Variants in KRABD3 observed in about 807,000 individuals in gnomAD.
KRABD3 encodes the protein KRAB domain containing 3.
chr7:149,734,107 G>A, the KRABD3 span: 1 of 1,528,772 alleles, frequency 6.5e-7, no homozygotes, highest in South Asian at 1.3e-5. Context: ...TGGCGTGGAA[G>A]CCCTGTCACC....
the KRABD3 span, chr7:149,720,809 G>A: frequency 1.3e-6 from 2 of 1,561,708 alleles, no homozygotes; most frequent in African/African-American, 2.7e-5. Context: ...CAGGGGTGCG[G>A]GGGGGTCACT....
the KRABD3 span, chr7:149,728,804 T>C: frequency 2.8e-6 from 3 of 1,056,762 alleles, no homozygotes; most frequent in Admixed American, 2.8e-5. Context: ...GGGCAGAGCC[T>C]TGTTGGAGGC....
the KRABD3 span, chr7:149,730,102 C>T: frequency 1.4e-6 from 2 of 1,450,270 alleles, no homozygotes; most frequent in East Asian, 2.5e-5. Flanking sequence ...AGAGACCTGG[C>T]TCTCTTCAGG....
the KRABD3 span, chr7:149,723,446 GA>G: frequency 4.7e-6 from 2 of 429,272 alleles, no homozygotes; most frequent in Non-Finnish European, 8.4e-6. Context: ...TTCTGTTCAG[GA>G]CCCCAGAGCT....
the KRABD3 span, chr7:149,725,469 C>T: frequency 6.2e-7 from 1 of 1,609,656 alleles, no homozygotes; most frequent in Non-Finnish European, 8.5e-7. Flanking sequence ...AACTGCAACC[C>T]CACAGATCAC....
At chr7:149,720,299 AAGCACTCAGAG>A in the KRABD3 span, among the ~76,000 whole-genome samples, 1 of 152,138 alleles carries the variant, frequency 6.6e-6, no homozygotes, top group Non-Finnish European at 1.5e-5. Context: ...TTATGCAGAG[AAGCACTCAGAG>A]AAAGCCTGGG....
chr7:149,724,004 G>A, the KRABD3 span: 12 of 1,160,106 alleles, frequency 1.0e-5, no homozygotes, highest in South Asian at 1.5e-5. Flanking sequence ...TTGGCCTGTC[G>A]GGAAGAGGAT....
At chr7:149,733,256 G>GA in the KRABD3 span, 1 of 1,612,034 alleles carries the variant, frequency 6.2e-7, no homozygotes, top group Non-Finnish European at 8.5e-7. Flanking sequence ...GCTGCCCAGT[G>GA]AGTCTCCCCC....
At chr7:149,720,693 C>T in the KRABD3 span, 41 of 900,160 alleles carry the variant, frequency 4.6e-5, no homozygotes, top group Non-Finnish European at 6.8e-5. Flanking sequence ...TCCTCTATAT[C>T]TCATGGGACA....
chr7:149,729,746 C>T, the KRABD3 span: 2 of 985,270 alleles, frequency 2.0e-6, no homozygotes, highest in East Asian at 1.1e-4. Context: ...TTTGCTGACC[C>T]TCCCATCAGA....
At chr7:149,721,362 C>T in the KRABD3 span, 11 of 1,568,758 alleles carry the variant, frequency 7.0e-6, no homozygotes, top group African/African-American at 1.5e-4. Flanking sequence ...GTTGTTGATT[C>T]TCCCTCTTTC....
chr7:149,725,933 G>T, the KRABD3 span: 2 of 1,600,310 alleles, frequency 1.2e-6, no homozygotes, highest in Non-Finnish European at 1.7e-6. Context: ...AGAGCTGTGT[G>T]AGAGATGGCC....
At chr7:149,720,670 G>A in the KRABD3 span, among the ~76,000 whole-genome samples, 1 of 152,256 alleles carries the variant, frequency 6.6e-6, no homozygotes, top group African/African-American at 2.4e-5. Flanking sequence ...AGAGCGCCTG[G>A]CCTGAGCCCA....
the KRABD3 span, chr7:149,729,354 G>T: frequency 6.6e-7 from 1 of 1,524,176 alleles, no homozygotes; most frequent in South Asian, 1.3e-5. Context: ...CAGGAGTGTG[G>T]AGGTGGCTCC....
At chr7:149,733,185 C>T in the KRABD3 span, 55 of 1,569,316 alleles carry the variant, frequency 3.5e-5, no homozygotes, top group East Asian at 3.6e-4. Context: ...GAACTCTGAC[C>T]GGTCCTTGCT....
the KRABD3 span, chr7:149,729,616 G>T: frequency 4.5e-4 from 448 of 985,468 alleles, 1 homozygote; most frequent in African/African-American, 6.9e-3. Context: ...TTCTCCAGTG[G>T]AGAAGCTTCT....
chr7:149,722,307 G>A, the KRABD3 span: 11 of 1,464,098 alleles, frequency 7.5e-6, no homozygotes, highest in African/African-American at 1.4e-5. Context: ...AGCCCACCTC[G>A]AACAGGGACT....
chr7:149,725,292 C>T, the KRABD3 span: 3 of 1,550,522 alleles, frequency 1.9e-6, no homozygotes, highest in Non-Finnish European at 2.6e-6. Context: ...GAGATGGTAA[C>T]AGGGTGCTCT....
chr7:149,734,227 C>A, the KRABD3 span: 1 of 792,136 alleles, frequency 1.3e-6, no homozygotes, highest in Non-Finnish European at 2.0e-6. Context: ...GCTCAGGAGG[C>A]TGCTGTGGGG....
Sources: allele counts gnomAD v4.1 joint callset (sites outside exome capture counted in the v4.1 genomes callset), GRCh38; gene constraint gnomAD v4.1.1; transcripts MANE v1.5; gene names NCBI Gene and HGNC (gene_info 2026-07-23, HGNC 2026-07-21).